ZNF850: variants seen among roughly 807,000 people sequenced by gnomAD.
The protein encoded by ZNF850 is putative zinc finger protein ENSP00000330994.
In ZNF850, 2 loss-of-function variants were observed where a neutral mutation model predicts 11.9. The observed-to-expected ratio is 0.17, with a 90% CI of 0.07 to 0.53. The LOEUF is 0.53. Ranked by LOEUF, ZNF850 falls within the 20% of genes least tolerant of loss-of-function variation. The probability of loss-of-function intolerance (pLI) is 0.94; values close to 1 mark genes in which losing one functional copy is unlikely to be tolerated. For missense variants in ZNF850, 1,014 were observed against 1,316.4 expected, an observed-to-expected ratio of 0.77 and a Z score of 3.55; for synonymous variants, 381 against 443.0, an observed-to-expected ratio of 0.86 and a Z score of 1.76.
In ZNF850 at chr19:36,756,654, C is replaced by A. The variant is rs1175366063; in HGVS notation, c.235+4989G>T. On this transcript the variant is annotated intron_variant, in intron 4 of 4. Coordinates refer to ENST00000591344, the MANE Select transcript of ZNF850 (RefSeq NM_001193552.2). ...CTCAAGACAGAGTCTTGCTCTGTTG[C>A]CTAGGCTGGAGTACAATGGCATGAT... Among the ~76,000 whole-genome samples, 3 of 152,146 alleles carry A rather than the reference C, an allele frequency of 2.0e-5. 1 individual carries two copies. The highest frequency in any genetic ancestry group is 4.1e-4 in the South Asian group (2 of 4,830).
rs1343967481 is a variant in ZNF850 at position 36,746,847 on chromosome 19, ATTT to A, written c.*917_*919del. On this transcript the variant is annotated 3_prime_UTR_variant, in exon 5 of 5. Transcript: ENST00000591344. Reference sequence around the variant, plus strand: ...AAACATGAAAAATATAGTCACACTTATTTATTATAAAAAAACTATTACTAGCCA... The same window carrying A: ...AAACATGAAAAATATAGTCACACTTAATTATAAAAAAACTATTACTAGCCA... 6.6e-6 allele frequency: 1 copy of A among 152,050 alleles called. No homozygotes were observed. Among genetic ancestry groups the A allele is most frequent in the Non-Finnish European group, 1.5e-5 (1 of 68,018 alleles). The allele number at this position is 152,050 out of a possible 1,614,324, so 9.4% of individuals were successfully genotyped here.
intron 1 of ZNF850, among the ~76,000 whole-genome samples, chr19:36,772,109 G>C (rs988854306): frequency 6.6e-6 from 1 of 152,184 alleles, no homozygotes; most frequent in African/African-American, 2.4e-5. Flanking sequence ...GTCACACAAA[G>C]GACAAAGGCG....
chr19:36,758,697 C>A lies in ZNF850; in HGVS notation c.235+2946G>T, dbSNP rs529029502. Among the ~76,000 whole-genome samples the A allele has an allele frequency of 1.0e-3, 157 of 152,294 alleles. 1 individual carries two copies. The highest frequency in any genetic ancestry group is 1.9e-3 in the Admixed American group (29 of 15,292). The stretch of plus-strand genomic sequence containing the variant: ...CACTTTAAACTTTTAAATTAACTAA[C>A]CAGCTACGAATACTTGTCTGAACTG... On this transcript the variant is annotated intron_variant, in intron 4 of 4. Transcript: ENST00000591344.
chr19:36,762,797 G>T (rs1281049795), intron 1 of ZNF850, 122 bp from the exon 2 acceptor site: 1 of 589,376 alleles, frequency 1.7e-6, no homozygotes, highest in Non-Finnish European at 3.0e-6. Context: ...CATCTGATAT[G>T]CAAATTACTA....
chr19:36,758,547 A>T (rs1377660332), intron 4 of ZNF850, among the ~76,000 whole-genome samples: 1 of 151,910 alleles, frequency 6.6e-6, no homozygotes, highest in East Asian at 1.9e-4. Flanking sequence ...ACACCAGGCT[A>T]ATTTTTTTAT....
In ZNF850 at chr19:36,747,414, G is replaced by A. The variant is rs2040417563; in HGVS notation, c.*353C>T. Reference sequence around the variant, plus strand: ...CCTAATTTTGGTGGGTGGATCACCAGGTCAGGAGATCGAGACCATCCTGGC... The same window carrying A: ...CCTAATTTTGGTGGGTGGATCACCAAGTCAGGAGATCGAGACCATCCTGGC... On this transcript the variant is annotated 3_prime_UTR_variant, in exon 5 of 5. Transcript: ENST00000591344. The A allele has an allele frequency of 5.7e-6, 1 of 176,936 alleles. No homozygotes were observed. 11.0% of individuals were successfully genotyped at this position (176,936 alleles called of 1,614,324 possible).
intron 4 of ZNF850, among the ~76,000 whole-genome samples, chr19:36,758,030 A>T (rs2040497228): frequency 6.6e-6 from 1 of 152,198 alleles, no homozygotes. Context: ...TTTACAGTTA[A>T]ATCTAATTAG....
chr19:36,749,895 C>G lies in ZNF850; in HGVS notation c.1145G>C (p.Arg382Pro), dbSNP rs545386228. ...KSFTFHSALI[R>P]HQRIHTGEKP... ...CTCACCAGTGTGAATTCGCTGATGTCGAATTAGAGCTGAGTGAAAAGTAAA... is the reference window on the plus strand; with the variant it reads ...CTCACCAGTGTGAATTCGCTGATGTGGAATTAGAGCTGAGTGAAAAGTAAA... The change falls in exon 5 of 5, where the codon CGA becomes CCA. Residue 382 changes from arginine (R) to proline (P), a missense_variant. Physicochemically the swap from Arg to Pro is moderately radical, Grantham distance 103. Around this residue, in one of 2 missense-constraint regions of ZNF850, gnomAD observed 835 missense variants for 1,022.0 expected, o/e 0.82. Coordinates refer to ENST00000591344, the MANE Select transcript of ZNF850 (RefSeq NM_001193552.2). The G allele has an allele frequency of 2.5e-5, 39 of 1,575,496 alleles. No homozygotes were observed. The South Asian group carries it at 4.5e-4, about 18-fold the overall frequency.
intron 1 of ZNF850, among the ~76,000 whole-genome samples, chr19:36,765,725 C>T (rs1444433640): frequency 6.6e-6 from 1 of 151,594 alleles, no homozygotes; most frequent in African/African-American, 2.4e-5. Context: ...GCTGGGATTA[C>T]AGGCATGTGC....
Position 36,749,629 on chromosome 19 carries a change from G to T in ZNF850, c.1411C>A (p.His471Asn). Residue 471 changes from histidine to asparagine, a missense_variant, in exon 5 of 5, where the codon CAC becomes AAC. Physicochemically the swap from His to Asn is moderately conservative, Grantham distance 68. Coordinates refer to ENST00000591344, the MANE Select transcript of ZNF850 (RefSeq NM_001193552.2). ...GSALLQHQRI[H>N]TGEKPYCCKE... ...CAACAATAGGGTTTCTCACCAGTGTGAATCCGCTGATGTTGAAGTAGTGCT... is the reference window on the plus strand; with the variant it reads ...CAACAATAGGGTTTCTCACCAGTGTTAATCCGCTGATGTTGAAGTAGTGCT... 6.4e-7 allele frequency: 1 copy of T among 1,552,952 alleles called. No homozygotes were observed. The highest frequency in any genetic ancestry group is 2.4e-5 in the East Asian group (1 of 41,434).
intron 4 of ZNF850, among the ~76,000 whole-genome samples, chr19:36,759,722 T>TAAA (rs980782758): frequency 6.6e-6 from 1 of 151,968 alleles, no homozygotes; most frequent in Non-Finnish European, 1.5e-5. Flanking sequence ...AGTTAATAAT[T>TAAA]AAAAAAAAAT....
intron 1 of ZNF850, among the ~76,000 whole-genome samples, chr19:36,770,230 A>C (rs923673784): frequency 2.6e-5 from 4 of 152,158 alleles, no homozygotes; most frequent in African/African-American, 9.7e-5. Context: ...AGGAGGCTTC[A>C]TTACATAGGC....
chr19:36,769,018 T>A (rs1472460674), intron 1 of ZNF850, among the ~76,000 whole-genome samples: 4 of 150,490 alleles, frequency 2.7e-5, no homozygotes, highest in Non-Finnish European at 4.4e-5. Flanking sequence ...CCCAGCACTT[T>A]GGGAGGCAGA....
intron 4 of ZNF850, among the ~76,000 whole-genome samples, chr19:36,751,609 A>T (rs193096802): frequency 6.7e-6 from 1 of 149,182 alleles, no homozygotes; most frequent in African/African-American, 2.5e-5. Flanking sequence ...GAGACAGGAG[A>T]ATCACTTGAG....
rs765982387 is a variant in ZNF850, at chr19:36,749,307, T to C, written c.1733A>G (p.Gln578Arg). 3 of 1,564,976 alleles carry C rather than the reference T, an allele frequency of 1.9e-6. No homozygotes were observed. Among genetic ancestry groups the C allele is most frequent in the Non-Finnish European group, 2.6e-6 (3 of 1,159,444 alleles). ...KSFTSRSALIQHQRIHTGEKP... is the reference protein window; with the variant it reads ...KSFTSRSALIRHQRIHTGEKP... ...CTCACCAGTGTGAATTCGCTGATGT[T>C]GAATTAGTGCTGAGCGAGAAGTAAA... The change falls in exon 5 of 5, where the codon CAA becomes CGA. Residue 578 changes from glutamine to arginine, a missense_variant. Around this residue, in one of 2 missense-constraint regions of ZNF850, gnomAD observed 835 missense variants for 1,022.0 expected, o/e 0.82. Coordinates refer to ENST00000591344, the MANE Select transcript of ZNF850 (RefSeq NM_001193552.2).
At chr19:36,763,429 A>G (rs2040531091) in intron 1 of ZNF850, among the ~76,000 whole-genome samples, 2 of 151,860 alleles carry the variant, frequency 1.3e-5, no homozygotes, top group Non-Finnish European at 2.9e-5. Context: ...CTGTAATCCC[A>G]GCTACTTGGG....
chr19:36,754,806 C>A (rs985567167), intron 4 of ZNF850, among the ~76,000 whole-genome samples: 2 of 152,056 alleles, frequency 1.3e-5, no homozygotes, highest in Non-Finnish European at 2.9e-5. Context: ...TCACCCACCT[C>A]GGCCTCCCAA....
Position 36,771,513 on chromosome 19 carries a change from G to C in ZNF850, c.-70+1212C>G, listed in dbSNP as rs928646095. On this transcript the variant is annotated intron_variant, in intron 1 of 4. Coordinates refer to ENST00000591344, the MANE Select transcript of ZNF850 (RefSeq NM_001193552.2). ...GGACCAATTAGGGGCTGAAGTGAAA[G>C]TTTGGCCCGGGACCAATCAGGAGCT... Among the ~76,000 whole-genome samples, 2 of 145,672 alleles carry C rather than the reference G, an allele frequency of 1.4e-5. 1 individual carries two copies. Among genetic ancestry groups the C allele is most frequent in the African/African-American group, 5.2e-5 (2 of 38,362 alleles).
chr19:36,765,521 A>G (rs2040543908), intron 1 of ZNF850, among the ~76,000 whole-genome samples: 1 of 152,118 alleles, frequency 6.6e-6, no homozygotes, highest in East Asian at 1.9e-4. Context: ...TATTAAATCC[A>G]TTAATAATAT....
Sources: allele counts gnomAD v4.1 joint callset (sites outside exome capture counted in the v4.1 genomes callset), GRCh38; gene constraint gnomAD v4.1.1; regional missense constraint gnomAD v4.1.1; transcripts MANE v1.5; gene names NCBI Gene and HGNC (gene_info 2026-07-23, HGNC 2026-07-21).